DNAL1: variants seen among roughly 807,000 people sequenced by gnomAD.
DNAL1 encodes dynein axonemal light chain 1, also known as chromosome 14 open reading frame 168.
In DNAL1, 17 loss-of-function variants were observed where a neutral mutation model predicts 29.4. That is an observed-to-expected ratio of 0.58 (90% CI 0.40 to 0.87). The LOEUF (loss-of-function observed/expected upper bound fraction) is 0.87, where lower values mean the gene tolerates loss of function less well. Among genes scored for constraint, DNAL1 ranks in the 40% least tolerant of loss-of-function variants. DNAL1 has a pLI of 0.00. For missense variants in DNAL1, 188 were observed against 214.1 expected (o/e 0.88, Z 0.76); for synonymous variants, 78 against 76.3 (o/e 1.02, Z -0.12).
chr14:73,674,915 C>G (rs1399154464), intron 5 of DNAL1, among the ~76,000 whole-genome samples: 1 of 151,220 alleles, frequency 6.6e-6, no homozygotes, highest in Non-Finnish European at 1.5e-5. Flanking sequence ...GTCTCCTGGG[C>G]TCAAGCAGTC....
intron 1 of DNAL1, among the ~76,000 whole-genome samples, chr14:73,647,630 C>A (rs1363888802): frequency 3.3e-5 from 5 of 152,130 alleles, no homozygotes; most frequent in Admixed American, 1.3e-4. Flanking sequence ...TTACACTAGT[C>A]CTGTCCTTAG....
intron 5 of DNAL1, among the ~76,000 whole-genome samples, chr14:73,681,350 G>A (rs984291998): frequency 6.6e-6 from 1 of 151,264 alleles, no homozygotes; most frequent in Non-Finnish European, 1.5e-5. Flanking sequence ...GGCCAGGCTG[G>A]TCTCAAACTC....
chr14:73,689,630 C>T, intron 7 of DNAL1, 115 bp downstream of exon 7: 1 of 1,444,804 alleles, frequency 6.9e-7, no homozygotes, highest in Non-Finnish European at 9.5e-7. Context: ...TCTTCCAGGT[C>T]ATTTCTATCT....
chr14:73,691,750 A>G (rs868540312), intron 7 of DNAL1, among the ~76,000 whole-genome samples: 5 of 150,866 alleles, frequency 3.3e-5, no homozygotes, highest in Middle Eastern at 3.4e-3. Flanking sequence ...CTGGAATACA[A>G]TGGCGCAATC....
chr14:73,665,163 C>G (rs1016916988), intron 4 of DNAL1, among the ~76,000 whole-genome samples: 6 of 152,146 alleles, frequency 3.9e-5, no homozygotes, highest in African/African-American at 1.4e-4. Context: ...AAAGCATCAT[C>G]TTATTAATCT....
intron 1 of DNAL1, among the ~76,000 whole-genome samples, chr14:73,653,836 C>G (rs1891156791): frequency 6.6e-6 from 1 of 151,956 alleles, no homozygotes; most frequent in Non-Finnish European, 1.5e-5. Context: ...CCGTTGGGTA[C>G]CTTTAGAGTT....
intron 4 of DNAL1, among the ~76,000 whole-genome samples, chr14:73,670,704 C>T (rs1891597400): frequency 6.6e-6 from 1 of 151,328 alleles, no homozygotes; most frequent in Admixed American, 6.6e-5. Context: ...TAAAGATAGG[C>T]ATTTTATTTT....
intron 1 of DNAL1, among the ~76,000 whole-genome samples, chr14:73,649,313 C>T (rs182175666): frequency 2.7e-5 from 4 of 147,454 alleles, no homozygotes; most frequent in East Asian, 2.0e-4. Flanking sequence ...GACGGAGTCT[C>T]GCTCTGTCGC....
intron 4 of DNAL1, among the ~76,000 whole-genome samples, chr14:73,662,578 C>A (rs1891381354): frequency 6.6e-6 from 1 of 152,152 alleles, no homozygotes; most frequent in Non-Finnish European, 1.5e-5. Context: ...CCTCTGGAGG[C>A]TGGAGGAGAA....
chr14:73,699,652 G>A lies in DNAL1; in HGVS notation c.*3710G>A, dbSNP rs1892385446. 1 of 152,146 alleles carries A rather than the reference G, an allele frequency of 6.6e-6. No individual in the cohort carries two copies. The highest frequency in any genetic ancestry group is 1.5e-5 in the Non-Finnish European group (1 of 68,006). 9.4% of individuals were successfully genotyped at this position (152,146 alleles called of 1,614,324 possible). ...ATGTAATATTAGAAACTCAGGGCTGGAAGGTTCAACTTCTCTTTTTTGAAG... is the reference window on the plus strand; with the variant it reads ...ATGTAATATTAGAAACTCAGGGCTGAAAGGTTCAACTTCTCTTTTTTGAAG... On this transcript the variant is annotated 3_prime_UTR_variant, in exon 8 of 8. Transcript: ENST00000553645.
intron 6 of DNAL1, among the ~76,000 whole-genome samples, chr14:73,687,869 T>C (rs1892059145): frequency 6.6e-6 from 1 of 152,112 alleles, no homozygotes; most frequent in African/African-American, 2.4e-5. Context: ...CAAGACTCCG[T>C]CTCAAATACC....
At chr14:73,649,504 G>C (rs1027168484) in intron 1 of DNAL1, among the ~76,000 whole-genome samples, 2 of 150,642 alleles carry the variant, frequency 1.3e-5, no homozygotes, top group East Asian at 1.9e-4. Context: ...GGATGGTCTC[G>C]ATCTCCTGAC....
intron 7 of DNAL1, among the ~76,000 whole-genome samples, chr14:73,693,457 T>C (rs1892223999): frequency 6.6e-6 from 1 of 152,176 alleles, no homozygotes; most frequent in Non-Finnish European, 1.5e-5. Flanking sequence ...AGATAAAATA[T>C]GGCATAGTCA....
In DNAL1 at chr14:73,698,065, AT is replaced by A. The variant is rs1268380172; in HGVS notation, c.*2126del. 6.6e-6 allele frequency: 1 copy of A among 152,300 alleles called. No homozygotes were observed. The highest frequency in any genetic ancestry group is 6.5e-5 in the Admixed American group (1 of 15,286). 9.4% of individuals were successfully genotyped at this position (152,300 alleles called of 1,614,324 possible). ...AAGTGAATATAATAGGAAGTAAGTG[AT>A]TTCATATTGAATTTATTTGTAAAAT... On this transcript the variant is annotated 3_prime_UTR_variant, in exon 8 of 8. Coordinates refer to ENST00000553645, the MANE Select transcript of DNAL1 (RefSeq NM_031427.4).
intron 1 of DNAL1, among the ~76,000 whole-genome samples, chr14:73,646,960 A>T (rs954844932): frequency 6.6e-6 from 1 of 152,276 alleles, no homozygotes; most frequent in South Asian, 2.1e-4. Flanking sequence ...AAAAAAATTT[A>T]TCTTTCAGTG....
chr14:73,690,776 AAAAT>A (rs1337107770), intron 7 of DNAL1, among the ~76,000 whole-genome samples: 7 of 152,324 alleles, frequency 4.6e-5, no homozygotes, highest in Middle Eastern at 3.4e-3. Context: ...GCAAGTTTAA[AAAAT>A]AAAGAAAGTT....
chr14:73,663,640 G>A (rs916960570), intron 4 of DNAL1, among the ~76,000 whole-genome samples: 2 of 152,062 alleles, frequency 1.3e-5, no homozygotes, highest in Non-Finnish European at 2.9e-5. Context: ...CAACTTTTGT[G>A]ATAGTCAAAC....
intron 5 of DNAL1, among the ~76,000 whole-genome samples, chr14:73,673,832 A>G (rs1891667520): frequency 6.6e-6 from 1 of 151,306 alleles, no homozygotes; most frequent in Non-Finnish European, 1.5e-5. Context: ...TAGGAGTTTG[A>G]GTTTACAGTG....
chr14:73,668,283 C>G (rs1891535665), intron 4 of DNAL1, among the ~76,000 whole-genome samples: 1 of 152,062 alleles, frequency 6.6e-6, no homozygotes, highest in Non-Finnish European at 1.5e-5. Context: ...GAATTTTTGT[C>G]TGTATTATTT....
Sources: allele counts gnomAD v4.1 joint callset (sites outside exome capture counted in the v4.1 genomes callset), GRCh38; gene constraint gnomAD v4.1.1; transcripts MANE v1.5; gene names NCBI Gene and HGNC (gene_info 2026-07-23, HGNC 2026-07-21).